The following UTRN variants were observed in gnomAD, a reference collection of about 807,000 sequenced individuals.
UTRN encodes the protein dystrophin-related protein 1.
Under a neutral mutation model 463.9 loss-of-function variants are expected in UTRN, and 283 were observed. That is an observed-to-expected ratio of 0.61 (90% CI 0.55 to 0.67). The LOEUF (loss-of-function observed/expected upper bound fraction) is 0.67, where lower values mean the gene tolerates loss of function less well. Ranked by LOEUF, UTRN falls within the 30% of genes least tolerant of loss-of-function variation. The probability of loss-of-function intolerance (pLI) is 0.00; values close to 1 mark genes in which losing one functional copy is unlikely to be tolerated. For synonymous variants in UTRN, 1,442 were observed against 1,431.5 expected, an observed-to-expected ratio of 1.01 and a Z score of -0.17; for missense variants, 3,922 against 4,084.3, an observed-to-expected ratio of 0.96 and a Z score of 1.08.
At chr6:144,557,375 T>C in intron 50 of UTRN, 64 bp downstream of exon 50, 1 of 1,535,644 alleles carries the variant, frequency 6.5e-7, no homozygotes, top group Non-Finnish European at 8.8e-7. Context: ...GGCTTTGGCT[T>C]TCTCGTGGAA....
In UTRN at chr6:144,554,815, G is replaced by A; in HGVS notation, c.7056G>A (p.Met2352Ile). ...DDHREETEEL[M>I]RKYEARLYIL... is the part of the protein sequence containing the mutation. ...ATAGGGAGGAGACTGAAGAACTGATGAGAAAATATGAGGCTCGACTCTATA... is the reference window on the plus strand; with the variant it reads ...ATAGGGAGGAGACTGAAGAACTGATAAGAAAATATGAGGCTCGACTCTATA... The change falls in exon 49 of 75, where the codon ATG (methionine) becomes ATA (isoleucine). Residue 2352 changes from methionine to isoleucine, a missense_variant. Coordinates refer to ENST00000367545, the MANE Select transcript of UTRN (RefSeq NM_007124.3). 1.2e-6 allele frequency: 2 copies of A among 1,614,030 alleles called. No homozygotes were observed. Among genetic ancestry groups the A allele is most frequent in the Non-Finnish European group, 1.7e-6 (2 of 1,179,978 alleles).
intron 52 of UTRN, among the ~76,000 whole-genome samples, chr6:144,695,537 G>T (rs969692857): frequency 6.6e-6 from 1 of 152,074 alleles, no homozygotes; most frequent in Admixed American, 6.5e-5. Flanking sequence ...TAGAGACGGG[G>T]TTTCACCGTG....
Position 144,794,001 on chromosome 6 carries a change from A to G in UTRN, c.9078+10A>G. ...CAGCTGCTTCCAACAGGTAAGCATG[A>G]AGGATCACTGGTGTGTAGGATGTGT... On this transcript the variant is annotated intron_variant, in intron 63 of 74. Coordinates refer to ENST00000367545, the MANE Select transcript of UTRN (RefSeq NM_007124.3). 1 of 1,613,254 alleles carries G rather than the reference A, an allele frequency of 6.2e-7. No individual in the cohort carries two copies. Among genetic ancestry groups the G allele is most frequent in the Non-Finnish European group, 8.5e-7 (1 of 1,179,680 alleles).
chr6:144,639,550 C>T (rs886075316), intron 51 of UTRN, among the ~76,000 whole-genome samples: 1 of 152,132 alleles, frequency 6.6e-6, no homozygotes, highest in Non-Finnish European at 1.5e-5. Context: ...AATCTGTTTC[C>T]CTTAGTATAT....
intron 24 of UTRN, 37 bp from the exon 25 acceptor site, chr6:144,474,567 T>C (rs754489800): frequency 6.3e-7 from 1 of 1,580,346 alleles, no homozygotes; most frequent in Non-Finnish European, 8.6e-7. Flanking sequence ...TCCACTTATA[T>C]AGTAATGAAC....
chr6:144,552,253 A>T (rs1798986023), intron 48 of UTRN, among the ~76,000 whole-genome samples: 1 of 152,244 alleles, frequency 6.6e-6, no homozygotes, highest in Admixed American at 6.5e-5. Flanking sequence ...ATTATAGGAG[A>T]TACATTAGAA....
chr6:144,821,076 T>C, intron 66 of UTRN, 58 bp downstream of exon 66: 2 of 1,565,416 alleles, frequency 1.3e-6, no homozygotes, highest in Non-Finnish European at 1.7e-6. Context: ...TGTTGTCTTT[T>C]TTATGTTAGT....
intron 1 of UTRN, 71 bp from the exon 2 acceptor site, chr6:144,291,666 G>A (rs1486926605): frequency 2.1e-5 from 10 of 486,620 alleles, no homozygotes; most frequent in East Asian, 3.6e-5. Context: ...TGAATGAATA[G>A]TTACTACGAA....
chr6:144,605,214 A>G (rs184222861), intron 51 of UTRN, among the ~76,000 whole-genome samples: 27 of 152,288 alleles, frequency 1.8e-4, no homozygotes, highest in African/African-American at 6.0e-4. Flanking sequence ...CCTATTTTCC[A>G]TGACAGTTAT....
intron 65 of UTRN, among the ~76,000 whole-genome samples, chr6:144,810,986 T>G (rs1173503733): frequency 1.3e-5 from 2 of 152,208 alleles, no homozygotes; most frequent in Non-Finnish European, 2.9e-5. Flanking sequence ...TGATATTGAT[T>G]AATATGTAGG....
At chr6:144,697,045 T>G (rs997255906) in intron 52 of UTRN, among the ~76,000 whole-genome samples, 1 of 152,122 alleles carries the variant, frequency 6.6e-6, no homozygotes, top group Non-Finnish European at 1.5e-5. Flanking sequence ...TTGCATTACA[T>G]TTTTTAAGAA....
chr6:144,654,650 A>G (rs548528425), intron 51 of UTRN, among the ~76,000 whole-genome samples: 106 of 152,350 alleles, frequency 7.0e-4, no homozygotes, highest in African/African-American at 2.4e-3. Context: ...TTAGTTGCAT[A>G]TGCTACAGGC....
At chr6:144,541,924 A>T (rs1196373169) in intron 45 of UTRN, among the ~76,000 whole-genome samples, 1 of 152,182 alleles carries the variant, frequency 6.6e-6, no homozygotes, top group African/African-American at 2.4e-5. Context: ...TCTAGAAGAG[A>T]CAGAGAATGA....
At chr6:144,493,836 A>G (rs535695951) in intron 33 of UTRN, among the ~76,000 whole-genome samples, 2 of 152,076 alleles carry the variant, frequency 1.3e-5, no homozygotes, top group South Asian at 2.1e-4. Context: ...CTCCAAAAAC[A>G]AAACAAATTT....
At chr6:144,464,858 G>A (rs1014497452) in intron 23 of UTRN, among the ~76,000 whole-genome samples, 6 of 152,164 alleles carry the variant, frequency 3.9e-5, no homozygotes, top group Non-Finnish European at 5.9e-5. Flanking sequence ...AATTGTTCCC[G>A]GCTTTCAAAA....
chr6:144,445,565 C>A (rs766171171), intron 14 of UTRN, among the ~76,000 whole-genome samples: 16 of 149,364 alleles, frequency 1.1e-4, no homozygotes, highest in African/African-American at 3.0e-4. Flanking sequence ...TACTTCCCCC[C>A]CCGCCCTCAA....
chr6:144,388,241 C>T (rs1250106837), intron 2 of UTRN, among the ~76,000 whole-genome samples: 2 of 152,074 alleles, frequency 1.3e-5, no homozygotes, highest in African/African-American at 4.8e-5. Flanking sequence ...CTTTATTACC[C>T]CTTAATACAT....
intron 48 of UTRN, among the ~76,000 whole-genome samples, chr6:144,552,065 C>T (rs1196006473): frequency 6.6e-6 from 1 of 152,100 alleles, no homozygotes; most frequent in Non-Finnish European, 1.5e-5. Context: ...TGTGAATATC[C>T]GTCTTTCTGC....
intron 2 of UTRN, among the ~76,000 whole-genome samples, chr6:144,343,881 C>T (rs1777341064): frequency 6.6e-6 from 1 of 151,842 alleles, no homozygotes; most frequent in African/African-American, 2.4e-5. Flanking sequence ...GTGGAGTGCC[C>T]CTTCCCAGCT....
Sources: gnomAD v4.1 joint callset for allele counts (sites outside exome capture counted in the v4.1 genomes callset) on GRCh38, gnomAD v4.1.1 for gene constraint, MANE v1.5 for transcripts, NCBI Gene and HGNC (gene_info 2026-07-23, HGNC 2026-07-21) for gene names.